PCDHA6: variants seen among roughly 807,000 people sequenced by gnomAD.
PCDHA6 encodes the protein protocadherin alpha-6.
In PCDHA6, 55 loss-of-function variants were observed where a neutral mutation model predicts 60.3. The ratio of observed to expected loss-of-function variants is 0.91; its 90% CI spans 0.73 to 1.14. The LOEUF is 1.14. Ranked by LOEUF, PCDHA6 falls within the 50% of genes most tolerant of loss-of-function variation. The pLI is 0.00. For missense variants in PCDHA6, 1,327 were observed against 1,256.5 expected (o/e 1.06, Z -0.85); for synonymous variants, 652 against 557.9 (o/e 1.17, Z -2.38).
chr5:140,857,944 G>C, intron 1 of PCDHA6: 1 of 1,597,474 alleles, frequency 6.3e-7, no homozygotes, highest in South Asian at 1.1e-5. Flanking sequence ...AGATCAGTAC[G>C]ACGCGCGCTC....
At chr5:140,967,060 G>A in intron 1 of PCDHA6, 1 of 1,612,802 alleles carries the variant, frequency 6.2e-7, no homozygotes, top group Non-Finnish European at 8.5e-7. Flanking sequence ...CGAGTGGAGC[G>A]CTCTTCGTCA....
chr5:140,944,881 T>C (rs1554216593), intron 1 of PCDHA6, among the ~76,000 whole-genome samples: 1 of 152,180 alleles, frequency 6.6e-6, no homozygotes, highest in Non-Finnish European at 1.5e-5. Flanking sequence ...CCTACTCCAC[T>C]GTACAGTTCC....
At chr5:140,990,742 G>A (rs947618929) in intron 3 of PCDHA6, among the ~76,000 whole-genome samples, 2 of 152,176 alleles carry the variant, frequency 1.3e-5, no homozygotes, top group African/African-American at 4.8e-5. Context: ...CAGCCCTAGG[G>A]TGGATACCTT....
intron 3 of PCDHA6, 167 bp from the exon 4 acceptor site, chr5:141,009,456 CAAAT>C (rs2098408902): frequency 8.4e-6 from 8 of 947,642 alleles, no homozygotes; most frequent in African/African-American, 3.5e-5. Context: ...AAAAATTAAA[CAAAT>C]AAATAAATAA....
In PCDHA6 at chr5:140,829,342, C is replaced by T. The variant is rs17844302; in HGVS notation, c.1251C>T (p.Ser417=). 4.3e-6 allele frequency: 7 copies of T among 1,614,106 alleles called. No individual in the cohort carries two copies. The highest frequency in any genetic ancestry group is 2.7e-5 in the African/African-American group (2 of 74,934). ...TGGACAGTGCCCTGGACCGCGAGAGCGTGTCGGCCTATGAGTTGGTGGTAA... is the reference window on the plus strand; with the variant it reads ...TGGACAGTGCCCTGGACCGCGAGAGTGTGTCGGCCTATGAGTTGGTGGTAA... ...LVLDSALDRE[S]VSAYELVVTA... Residue 417 remains serine (S), a synonymous_variant, in exon 1 of 4, where the codon AGC becomes AGT. Coordinates refer to ENST00000529310, the MANE Select transcript of PCDHA6 (RefSeq NM_018909.4).
chr5:140,857,812 C>T lies in PCDHA6; in HGVS notation c.2394+27327C>T. ...TGCTGCGGTCGGTGGTTGCGGGTCACGTGGTGGCTAAGGTGCGCGCAGTGG... is the reference window on the plus strand; with the variant it reads ...TGCTGCGGTCGGTGGTTGCGGGTCATGTGGTGGCTAAGGTGCGCGCAGTGG... On this transcript the variant is annotated intron_variant, in intron 1 of 3. Transcript: ENST00000529310. 3.1e-6 allele frequency: 5 copies of T among 1,597,698 alleles called. 1 individual carries two copies. The highest frequency in any genetic ancestry group is 2.2e-5 in the East Asian group (1 of 44,814).
intron 3 of PCDHA6, among the ~76,000 whole-genome samples, chr5:141,008,048 G>A (rs2098358764): frequency 1.3e-5 from 2 of 151,972 alleles, no homozygotes; most frequent in South Asian, 4.2e-4. Flanking sequence ...TTTGTAACAG[G>A]GGTCCAGTCC....
intron 1 of PCDHA6, among the ~76,000 whole-genome samples, chr5:140,935,942 G>A (rs2090659965): frequency 6.8e-6 from 1 of 147,088 alleles, no homozygotes; most frequent in Non-Finnish European, 1.5e-5. Flanking sequence ...GCCCAGGCTG[G>A]AGTAAAGTGG....
Position 140,982,581 on chromosome 5 carries a change from C to T in PCDHA6, c.2542+18C>T, listed in dbSNP as rs782060139. On this transcript the variant is annotated intron_variant, in intron 3 of 3. Transcript: ENST00000529310. ...AACACCAGGTAAAGAGCTGGGGTCT[C>T]TCCATTCTTTCTTGGTTTCTGGAAA... 9 of 1,612,098 alleles carry T rather than the reference C, an allele frequency of 5.6e-6. No individual in the cohort carries two copies. The highest frequency in any genetic ancestry group is 4.0e-5 in the African/African-American group (3 of 74,892).
chr5:140,910,281 A>G (rs1198162778), intron 1 of PCDHA6, among the ~76,000 whole-genome samples: 4 of 151,152 alleles, frequency 2.6e-5, no homozygotes, highest in East Asian at 2.0e-4. Context: ...TAGGAACACC[A>G]TGATTAATCA....
chr5:140,892,408 G>C (rs1323060042), intron 1 of PCDHA6, among the ~76,000 whole-genome samples: 1 of 152,054 alleles, frequency 6.6e-6, no homozygotes, highest in Non-Finnish European at 1.5e-5. Context: ...TCAAGCTTCA[G>C]GTATTCTAGA....
chr5:140,894,827 T>G (rs2064691411), intron 1 of PCDHA6, among the ~76,000 whole-genome samples: 1 of 152,192 alleles, frequency 6.6e-6, no homozygotes, highest in South Asian at 2.1e-4. Flanking sequence ...TTGCCCATAA[T>G]CCTTTTCTTA....
chr5:140,912,164 CT>C (rs1281307479), intron 1 of PCDHA6, among the ~76,000 whole-genome samples: 1 of 152,158 alleles, frequency 6.6e-6, no homozygotes, highest in Non-Finnish European at 1.5e-5. Flanking sequence ...TTTATTCTGG[CT>C]GTGCTGGCAG....
At chr5:140,871,311 C>T (rs782501180) in intron 1 of PCDHA6, 9 of 1,613,922 alleles carry the variant, frequency 5.6e-6, no homozygotes, top group Non-Finnish European at 7.6e-6. Flanking sequence ...CGGGGAAGCC[C>T]ACGCTGGTGT....
At chr5:140,883,570 G>T (rs1554178743) in intron 1 of PCDHA6, 1 of 1,614,098 alleles carries the variant, frequency 6.2e-7, no homozygotes, top group South Asian at 1.1e-5. Context: ...GCTCGCCTTC[G>T]CTGTGGGCCA....
intron 1 of PCDHA6, chr5:140,928,897 G>C: frequency 6.2e-7 from 1 of 1,614,186 alleles, no homozygotes. Flanking sequence ...AGACTTTGAA[G>C]ATGTCTGGGA....
chr5:140,998,836 T>C (rs1388208720), intron 3 of PCDHA6, among the ~76,000 whole-genome samples: 2 of 152,254 alleles, frequency 1.3e-5, no homozygotes, highest in Non-Finnish European at 2.9e-5. Context: ...AGTGCTGGAT[T>C]ACTGGTGTGA....
At chr5:140,877,435 G>A (rs1354877569) in intron 1 of PCDHA6, 1 of 1,613,736 alleles carries the variant, frequency 6.2e-7, no homozygotes, top group African/African-American at 1.3e-5. Context: ...GAAGGACCAC[G>A]GTGAGCCCGC....
intron 1 of PCDHA6, among the ~76,000 whole-genome samples, chr5:140,965,230 C>T (rs2095881666): frequency 6.6e-6 from 1 of 152,126 alleles, no homozygotes; most frequent in Non-Finnish European, 1.5e-5. Flanking sequence ...ATGTGAGAAC[C>T]TGGGAAGAGT....
Sources: gnomAD v4.1 joint callset for allele counts (sites outside exome capture counted in the v4.1 genomes callset) on GRCh38, gnomAD v4.1.1 for gene constraint, MANE v1.5 for transcripts, NCBI Gene and HGNC (gene_info 2026-07-23, HGNC 2026-07-21) for gene names.